CRYL1: variants seen among roughly 807,000 people sequenced by gnomAD.
CRYL1 encodes crystallin lambda 1, also known as lambda-crystallin homolog.
CRYL1 carries 29 observed loss-of-function variants against 36.6 expected under a neutral mutation model. The ratio of observed to expected loss-of-function variants is 0.79; its 90% CI spans 0.59 to 1.08. CRYL1 has a LOEUF of 1.08. CRYL1 is among the 50% of genes least tolerant of loss of function. CRYL1 has a pLI of 0.00. For synonymous variants in CRYL1, 152 were observed against 151.5 expected (o/e 1.00, Z -0.02); for missense variants, 411 against 407.9 (o/e 1.01, Z -0.06).
intron 1 of CRYL1, among the ~76,000 whole-genome samples, chr13:20,517,360 C>G (rs1046055056): frequency 6.6e-6 from 1 of 151,588 alleles, no homozygotes; most frequent in Non-Finnish European, 1.5e-5. Context: ...TTTGGGAGAC[C>G]GAGGCAGGTG....
At chr13:20,443,234 C>T (rs2032383424) in intron 3 of CRYL1, among the ~76,000 whole-genome samples, 1 of 152,112 alleles carries the variant, frequency 6.6e-6, no homozygotes, top group South Asian at 2.1e-4. Context: ...GGACCACTCC[C>T]AGGGGAAGGG....
At position 20,525,611 on chromosome 13, in the gene CRYL1, C is replaced by A. The variant is rs1422060480; in HGVS notation, c.41+143G>T. ...CCGAGCCCGCCAGCGCCGTAGGGGC[C>A]GCAGGGCGCAGGGCTTCGGAGGACC... On this transcript the variant is annotated intron_variant, in intron 1 of 7. Transcript: ENST00000298248. The surrounding 1 kb of genome is among the most constrained non-coding windows in gnomAD (Gnocchi z 4.3). 3.1e-6 allele frequency: 2 copies of A among 645,060 alleles called. No individual in the cohort carries two copies. The highest frequency in any genetic ancestry group is 4.4e-6 in the Non-Finnish European group (2 of 457,538). The allele number at this position is 645,060 out of a possible 1,614,324, so 40.0% of individuals were successfully genotyped here.
At chr13:20,498,254 TAC>T (rs1213624034) in intron 2 of CRYL1, among the ~76,000 whole-genome samples, 2 of 149,672 alleles carry the variant, frequency 1.3e-5, no homozygotes, top group Non-Finnish European at 3.0e-5. Flanking sequence ...CCCTACACAC[TAC>T]ACACACCCCA....
At chr13:20,441,949 A>G (rs1456199065) in intron 3 of CRYL1, among the ~76,000 whole-genome samples, 1 of 152,222 alleles carries the variant, frequency 6.6e-6, no homozygotes. Context: ...AAAATCAGTC[A>G]TTTAAGAACT....
chr13:20,453,301 G>C (rs1419064579), intron 3 of CRYL1, among the ~76,000 whole-genome samples: 1 of 151,976 alleles, frequency 6.6e-6, no homozygotes, highest in African/African-American at 2.4e-5. Flanking sequence ...AGAATATCTA[G>C]GAAATCCCCA....
In CRYL1 at chr13:20,432,300, A is replaced by AGG; in HGVS notation, c.439-6_439-5dup. On this transcript the variant is annotated splice_region_variant and splice_polypyrimidine_tract_variant and intron_variant, in intron 4 of 7. Transcript: ENST00000298248. ...GGATGTAGTATGGCGGATTCACCTT[A>AGG]GGAGAGAGAGAGAAGTGGGGGAGTC... The AGG allele has an allele frequency of 6.3e-7, 1 of 1,597,342 alleles. No individual in the cohort carries two copies. The highest frequency in any genetic ancestry group is 8.6e-7 in the Non-Finnish European group (1 of 1,167,882).
In CRYL1 at chr13:20,427,947, G is replaced by A. The variant is rs796676505; in HGVS notation, c.633+4155C>T. ...AATGGACCAATTTCTCAGAAACGAC[G>A]AACCATCAAAACTCAATCAAGATGA... On this transcript the variant is annotated intron_variant, in intron 5 of 7. Transcript: ENST00000298248. Among the ~76,000 whole-genome samples, 6 of 151,654 alleles carry A rather than the reference G, an allele frequency of 4.0e-5. No homozygotes were observed. In the South Asian group the frequency reaches 1.0e-3, roughly 26 times the overall value.
chr13:20,412,733 C>T (rs114496282), intron 6 of CRYL1, among the ~76,000 whole-genome samples: 2,135 of 152,266 alleles, frequency 0.014, 45 homozygotes, highest in African/African-American at 0.048. Flanking sequence ...CTAATTCCCC[C>T]CAAGCCTTCT....
intron 2 of CRYL1, among the ~76,000 whole-genome samples, chr13:20,496,016 G>A (rs2033599485): frequency 6.6e-6 from 1 of 152,206 alleles, no homozygotes; most frequent in African/African-American, 2.4e-5. Flanking sequence ...GGCCAGGCTG[G>A]TCTTGAACTC....
At chr13:20,436,176 G>A (rs1467151791) in intron 4 of CRYL1, among the ~76,000 whole-genome samples, 2 of 151,862 alleles carry the variant, frequency 1.3e-5, no homozygotes, top group African/African-American at 4.8e-5. Flanking sequence ...AACGCCCACC[G>A]CACGCCCCAG....
chr13:20,503,058 C>A (rs1050611246), intron 2 of CRYL1, among the ~76,000 whole-genome samples: 2 of 152,162 alleles, frequency 1.3e-5, no homozygotes, highest in Non-Finnish European at 2.9e-5. Flanking sequence ...GGAATCCTGC[C>A]GCCCAGAGTC....
At chr13:20,404,293 C>A in intron 7 of CRYL1, 51 bp from the exon 8 acceptor site, 1 of 1,253,014 alleles carries the variant, frequency 8.0e-7, no homozygotes, top group South Asian at 1.2e-5. Flanking sequence ...AATAATTTAT[C>A]AAGAGTGTAA....
chr13:20,494,359 T>C (rs1431728369), intron 2 of CRYL1, among the ~76,000 whole-genome samples: 1 of 152,206 alleles, frequency 6.6e-6, no homozygotes, highest in East Asian at 1.9e-4. Context: ...GAAAGAATAA[T>C]AAACATCCTC....
chr13:20,437,594 G>T (rs1036555522), intron 4 of CRYL1, among the ~76,000 whole-genome samples: 2 of 152,144 alleles, frequency 1.3e-5, no homozygotes, highest in African/African-American at 2.4e-5. Flanking sequence ...TTTAAAATAG[G>T]GTCTGGACTT....
At chr13:20,449,727 T>C (rs1466564180) in intron 3 of CRYL1, among the ~76,000 whole-genome samples, 1 of 152,124 alleles carries the variant, frequency 6.6e-6, no homozygotes, top group African/African-American at 2.4e-5. Context: ...CTGAAACTGA[T>C]AAATGACTTC....
intron 3 of CRYL1, among the ~76,000 whole-genome samples, chr13:20,455,672 C>T (rs572028321): frequency 1.3e-5 from 2 of 152,172 alleles, no homozygotes; most frequent in African/African-American, 4.8e-5. Context: ...ATCAGTTCTC[C>T]TGAACTTGAT....
At chr13:20,409,362 A>C (rs2031461248) in intron 6 of CRYL1, among the ~76,000 whole-genome samples, 1 of 152,252 alleles carries the variant, frequency 6.6e-6, no homozygotes, top group South Asian at 2.1e-4. Flanking sequence ...AGATGGATTA[A>C]AGACTTAAAC....
chr13:20,459,815 A>T (rs901256956), intron 3 of CRYL1, among the ~76,000 whole-genome samples: 2 of 152,138 alleles, frequency 1.3e-5, no homozygotes, highest in African/African-American at 4.8e-5. Flanking sequence ...GATGCAACAA[A>T]CCTGCATATG....
Position 20,420,797 on chromosome 13 carries a change from G to A in CRYL1, c.634-7410C>T, listed in dbSNP as rs1280185455. ...GTCGCCCAGGCTGGAGTGCAGTGGC[G>A]TGATCGCAACTCACTGCGACCTCCG... On this transcript the variant is annotated intron_variant, in intron 5 of 7. Transcript: ENST00000298248. Among the ~76,000 whole-genome samples the A allele has an allele frequency of 1.8e-4, 27 of 149,020 alleles. 1 individual carries two copies. Among genetic ancestry groups the A allele is most frequent in the Admixed American group, 1.0e-3 (15 of 14,704 alleles).
Sources: gnomAD v4.1 joint callset for allele counts (sites outside exome capture counted in the v4.1 genomes callset) on GRCh38, gnomAD v4.1.1 for gene constraint, Gnocchi (gnomAD v3.1) non-coding constraint, MANE v1.5 for transcripts, NCBI Gene and HGNC (gene_info 2026-07-23, HGNC 2026-07-21) for gene names.